SCIN: variants seen among roughly 807,000 people sequenced by gnomAD.
The protein encoded by SCIN is scinderin.
A neutral mutation model predicts 91.8 loss-of-function variants in SCIN; 91 were observed. The ratio of observed to expected loss-of-function variants is 0.99; its 90% CI spans 0.84 to 1.18. SCIN has a LOEUF of 1.18. Ranked by LOEUF, SCIN falls within the 50% of genes most tolerant of loss-of-function variation. The probability of loss-of-function intolerance (pLI) is 0.00; values close to 1 mark genes in which losing one functional copy is unlikely to be tolerated. For missense variants in SCIN, 1,087 were observed against 863.9 expected (o/e 1.26, Z -3.24); for synonymous variants, 367 against 312.6 (o/e 1.17, Z -1.84).
chr7:12,604,581 C>T lies in SCIN; in HGVS notation c.584C>T (p.Thr195Ile). Residue 195 changes from threonine (T) to isoleucine (I), a missense_variant, in exon 4 of 16, where the codon ACT becomes ATT. Transcript: ENST00000297029. Reference sequence around the variant, plus strand: ...CGTCTGAAGGCAAACCAGGTAGCTACTGGCATTCGGTACAATGAAAGGAAA... The same window carrying T: ...CGTCTGAAGGCAAACCAGGTAGCTATTGGCATTCGGTACAATGAAAGGAAA... Reference protein sequence around the residue: ...YERLKANQVATGIRYNERKGR... With the variant: ...YERLKANQVAIGIRYNERKGR... 1.3e-6 allele frequency: 2 copies of T among 1,551,976 alleles called. No homozygotes were observed. Among genetic ancestry groups the T allele is most frequent in the Non-Finnish European group, 1.7e-6 (2 of 1,147,026 alleles).
At chr7:12,615,236 G>A (rs1369652755) in intron 4 of SCIN, among the ~76,000 whole-genome samples, 3 of 152,040 alleles carry the variant, frequency 2.0e-5, no homozygotes, top group Non-Finnish European at 4.4e-5. Flanking sequence ...CAGTGGACTG[G>A]TGATATGGTT....
Position 12,584,675 on chromosome 7 carries a change from G to A in SCIN, c.516+3454G>A, listed in dbSNP as rs140893071. ...TTTTTAGACAATAACATGAAATGTGGCCAGATCTTACCAATTTACAGAGTC... is the reference window on the plus strand; with the variant it reads ...TTTTTAGACAATAACATGAAATGTGACCAGATCTTACCAATTTACAGAGTC... On this transcript the variant is annotated intron_variant, in intron 3 of 15. Coordinates refer to ENST00000297029, the MANE Select transcript of SCIN (RefSeq NM_001112706.3). 1.1e-3 allele frequency among the ~76,000 whole-genome samples: 165 copies of A among 152,246 alleles called. 2 individuals are homozygous for A. The East Asian group carries it at 0.028, about 26-fold the overall frequency.
At chr7:12,599,929 A>G (rs1490264767) in intron 3 of SCIN, among the ~76,000 whole-genome samples, 2 of 152,112 alleles carry the variant, frequency 1.3e-5, no homozygotes, top group African/African-American at 2.4e-5. Context: ...TGTCAAATGC[A>G]TAGTTTGCTA....
Position 12,644,186 on chromosome 7 carries a change from A to G in SCIN, c.1630A>G (p.Lys544Glu). Residue 544 changes from lysine (K) to glutamate (E), a missense_variant, in exon 12 of 16, where the codon AAA (lysine) becomes GAA (glutamate). By Grantham distance (56) the Lys-to-Glu change is moderately conservative (BLOSUM62 1). Coordinates refer to ENST00000297029, the MANE Select transcript of SCIN (RefSeq NM_001112706.3). Reference sequence around the variant, plus strand: ...GAATTCTAACGATGTTTTTGTCCTGAAACTGCCACAAAATAGTGGCTACAT... The same window carrying G: ...GAATTCTAACGATGTTTTTGTCCTGGAACTGCCACAAAATAGTGGCTACAT... ...SLNSNDVFVLKLPQNSGYIWV... is the reference protein window; with the variant it reads ...SLNSNDVFVLELPQNSGYIWV... 2 of 1,612,944 alleles carry G rather than the reference A, an allele frequency of 1.2e-6. No homozygotes were observed. Among genetic ancestry groups the G allele is most frequent in the Non-Finnish European group, 1.7e-6 (2 of 1,179,414 alleles).
rs1168497308 is a variant in SCIN at position 12,657,621 on chromosome 7, A to G, written c.*4906A>G. Reference sequence around the variant, plus strand: ...TTTGCATTGGCAAAAAAACAAAGATATTGTTTAGCAATTTCCTTGTATAAT... The same window carrying G: ...TTTGCATTGGCAAAAAAACAAAGATGTTGTTTAGCAATTTCCTTGTATAAT... On this transcript the variant is annotated 3_prime_UTR_variant, in exon 16 of 16. Coordinates refer to ENST00000297029, the MANE Select transcript of SCIN (RefSeq NM_001112706.3). 9.5e-6 allele frequency: 1 copy of G among 104,966 alleles called. No homozygotes were observed. Among genetic ancestry groups the G allele is most frequent in the Non-Finnish European group, 1.9e-5 (1 of 53,134 alleles). 6.5% of individuals were successfully genotyped at this position (104,966 alleles called of 1,614,324 possible).
intron 3 of SCIN, among the ~76,000 whole-genome samples, chr7:12,597,919 AT>A (rs1782876113): frequency 6.6e-6 from 1 of 152,170 alleles, no homozygotes; most frequent in South Asian, 2.1e-4. Context: ...ATTTAAGTGG[AT>A]TTCATTCCAA....
intron 14 of SCIN, among the ~76,000 whole-genome samples, chr7:12,650,784 A>G (rs1220899835): frequency 6.6e-6 from 1 of 152,196 alleles, no homozygotes; most frequent in African/African-American, 2.4e-5. Flanking sequence ...ACTAAACATT[A>G]TAGCATTTGT....
intron 10 of SCIN, 57 bp from the exon 11 acceptor site, chr7:12,640,290 A>G: frequency 7.1e-7 from 1 of 1,402,728 alleles, no homozygotes; most frequent in East Asian, 2.6e-5. Flanking sequence ...TGGAACTAAA[A>G]CCTTCTTTCA....
At chr7:12,611,784 C>T (rs528272719) in intron 4 of SCIN, among the ~76,000 whole-genome samples, 15 of 152,152 alleles carry the variant, frequency 9.9e-5, no homozygotes, top group Admixed American at 9.8e-4. Context: ...TGGTGGTGCA[C>T]ACCTATAGTG....
intron 3 of SCIN, among the ~76,000 whole-genome samples, chr7:12,602,420 C>T (rs889571723): frequency 1.1e-4 from 17 of 152,134 alleles, no homozygotes; most frequent in Non-Finnish European, 2.4e-4. Flanking sequence ...ACATCTTAAA[C>T]AACAGAAAAC....
chr7:12,623,876 G>A (rs1413114284), intron 5 of SCIN, among the ~76,000 whole-genome samples: 1 of 151,954 alleles, frequency 6.6e-6, no homozygotes, highest in African/African-American at 2.4e-5. Context: ...CTAAATACTG[G>A]TAATTTTAAT....
In SCIN at chr7:12,656,588, T is replaced by TATAA. The variant is rs1266767747; in HGVS notation, c.*3876_*3879dup. On this transcript the variant is annotated 3_prime_UTR_variant, in exon 16 of 16. Coordinates refer to ENST00000297029, the MANE Select transcript of SCIN (RefSeq NM_001112706.3). Reference sequence around the variant, plus strand: ...GGACAACTCAGAGAAAAAACTGGCTTATAAATGCACTTCACAAAAACTGTT... The same window carrying TATAA: ...GGACAACTCAGAGAAAAAACTGGCTTATAAATAAATGCACTTCACAAAAACTGTT... 6.6e-6 allele frequency: 1 copy of TATAA among 152,126 alleles called. No individual in the cohort carries two copies. Among genetic ancestry groups the TATAA allele is most frequent in the Non-Finnish European group, 1.5e-5 (1 of 68,018 alleles). 9.4% of individuals were successfully genotyped at this position (152,126 alleles called of 1,614,324 possible).
chr7:12,570,749 G>C lies in SCIN; in HGVS notation c.-38G>C. 5 of 1,541,980 alleles carry C rather than the reference G, an allele frequency of 3.2e-6. No individual in the cohort carries two copies. Among genetic ancestry groups the C allele is most frequent in the Non-Finnish European group, 4.4e-6 (5 of 1,142,278 alleles). ...GCTCTCGGTTTAGTCCAAGATCAGC[G>C]ATATCACGCGTCCCCCGGAGCATCG... On this transcript the variant is annotated 5_prime_UTR_variant, in exon 1 of 16. Coordinates refer to ENST00000297029, the MANE Select transcript of SCIN (RefSeq NM_001112706.3).
intron 14 of SCIN, among the ~76,000 whole-genome samples, chr7:12,649,875 G>A (rs920021513): frequency 2.6e-5 from 4 of 152,048 alleles, no homozygotes; most frequent in African/African-American, 9.7e-5. Flanking sequence ...GTGTCATGGG[G>A]GTACAATGCC....
Position 12,624,996 on chromosome 7 carries a change from G to C in SCIN, c.760-14G>C. The C allele has an allele frequency of 6.4e-7, 1 of 1,550,448 alleles. No individual in the cohort carries two copies. The highest frequency in any genetic ancestry group is 8.7e-7 in the Non-Finnish European group (1 of 1,146,630). Reference sequence around the variant, plus strand: ...CCCCAAATGAAAACATGGAGGTCATGGTTTTTATATTAGGTTTCAGATGCA... The same window carrying C: ...CCCCAAATGAAAACATGGAGGTCATCGTTTTTATATTAGGTTTCAGATGCA... On this transcript the variant is annotated splice_polypyrimidine_tract_variant and intron_variant, in intron 5 of 15. Coordinates refer to ENST00000297029, the MANE Select transcript of SCIN (RefSeq NM_001112706.3).
intron 13 of SCIN, among the ~76,000 whole-genome samples, chr7:12,648,986 C>G (rs1784024659): frequency 6.6e-6 from 1 of 152,108 alleles, no homozygotes; most frequent in Non-Finnish European, 1.5e-5. Context: ...CCAGTGTATA[C>G]TGACAGTGAT....
intron 2 of SCIN, 38 bp downstream of exon 2, chr7:12,578,256 C>T (rs755279946): frequency 2.0e-6 from 3 of 1,513,566 alleles, no homozygotes; most frequent in Non-Finnish European, 1.8e-6. Flanking sequence ...GAATCCCTTT[C>T]TCCTCTTGTC....
At chr7:12,578,540 T>G (rs1194791814) in intron 2 of SCIN, among the ~76,000 whole-genome samples, 2 of 152,200 alleles carry the variant, frequency 1.3e-5, no homozygotes, top group African/African-American at 4.8e-5. Flanking sequence ...ACATTTAAAT[T>G]TTGGTAATTT....
chr7:12,654,590 G>C lies in SCIN; in HGVS notation c.*1875G>C, dbSNP rs188982722. On this transcript the variant is annotated 3_prime_UTR_variant, in exon 16 of 16. Transcript: ENST00000297029. Reference sequence around the variant, plus strand: ...TCAAGCTGAATATTTTTTGAAGGATGATGAGAATAAAATGATTTAATAAGT... The same window carrying C: ...TCAAGCTGAATATTTTTTGAAGGATCATGAGAATAAAATGATTTAATAAGT... 3.3e-5 allele frequency: 5 copies of C among 152,214 alleles called. No individual in the cohort carries two copies. In the East Asian group the frequency reaches 9.7e-4, roughly 29 times the overall value. 9.4% of individuals were successfully genotyped at this position (152,214 alleles called of 1,614,324 possible).
Sources: gnomAD v4.1 joint callset for allele counts (sites outside exome capture counted in the v4.1 genomes callset) on GRCh38, gnomAD v4.1.1 for gene constraint, MANE v1.5 for transcripts, NCBI Gene and HGNC (gene_info 2026-07-23, HGNC 2026-07-21) for gene names.